Variants in CADM2 observed in about 807,000 individuals in gnomAD.
CADM2 encodes cell adhesion molecule 2.
In CADM2, 12 loss-of-function variants were observed where a neutral mutation model predicts 49.8. The observed-to-expected ratio is 0.24, with a 90% CI of 0.15 to 0.39. The LOEUF (loss-of-function observed/expected upper bound fraction) is 0.39. Ranked by LOEUF, CADM2 falls within the 10% of genes least tolerant of loss-of-function variation. The pLI, the probability that CADM2 is intolerant of heterozygous loss-of-function variation, is 1.00. For synonymous variants in CADM2, 214 were observed against 175.4 expected, an observed-to-expected ratio of 1.22 and a Z score of -1.74; for missense variants, 378 against 492.3, an observed-to-expected ratio of 0.77 and a Z score of 2.20.
chr3:86,012,228 C>G (rs1445734737), intron 8 of CADM2, among the ~76,000 whole-genome samples: 1 of 152,170 alleles, frequency 6.6e-6, no homozygotes, highest in African/African-American at 2.4e-5. Context: ...GAAACATCTT[C>G]TCTTTTAAGC....
intron 1 of CADM2, among the ~76,000 whole-genome samples, chr3:85,637,632 A>AAAATAAAATAAAATT (rs1553753417): frequency 6.9e-6 from 1 of 145,726 alleles, no homozygotes; most frequent in South Asian, 2.1e-4. Context: ...AAAATAAAAT[A>AAAATAAAATAAAATT]AAATAAATAA....
intron 8 of CADM2, among the ~76,000 whole-genome samples, chr3:86,019,043 T>C (rs1318094086): frequency 2.7e-4 from 22 of 80,718 alleles, no homozygotes; most frequent in African/African-American, 1.1e-3. Context: ...CCATCTTGAA[T>C]TGATTTTTGT....
chr3:85,172,758 G>A (rs1214587716), intron 1 of CADM2, among the ~76,000 whole-genome samples: 2 of 151,000 alleles, frequency 1.3e-5, no homozygotes, highest in Non-Finnish European at 2.9e-5. Flanking sequence ...ATGCTGTAAG[G>A]CTGTTGTAAT....
chr3:85,391,461 A>G (rs907954251), intron 1 of CADM2, among the ~76,000 whole-genome samples: 1 of 152,060 alleles, frequency 6.6e-6, no homozygotes, highest in Non-Finnish European at 1.5e-5. Flanking sequence ...ATTTTGTCGG[A>G]ATAGTAAGAC....
chr3:85,883,292 T>C lies in CADM2; in HGVS notation c.240T>C (p.Ala80=), dbSNP rs1480582095. Residue 80 remains alanine, a splice_region_variant and synonymous_variant, in exon 4 of 10, where the codon GCT becomes GCC. Coordinates refer to ENST00000383699, the MANE Select transcript of CADM2 (RefSeq NM_001167675.2). ...QQTLYFDDKK[A]LRDNRIELVR... ...ATTTTCAATATTTTCTCTTTCCAGC[T>C]TTAAGGGACAATAGGATCGAGCTGG... 1 of 1,608,164 alleles carries C rather than the reference T, an allele frequency of 6.2e-7. No homozygotes were observed. Among genetic ancestry groups the C allele is most frequent in the Non-Finnish European group, 8.5e-7 (1 of 1,176,686 alleles).
At chr3:85,142,927 G>A (rs1428680686) in intron 1 of CADM2, among the ~76,000 whole-genome samples, 10 of 152,048 alleles carry the variant, frequency 6.6e-5, no homozygotes, top group African/African-American at 2.2e-4. Context: ...TGTGTGTTTG[G>A]AAAGTAATTA....
At chr3:85,035,432 C>A (rs1227208514) in intron 1 of CADM2, among the ~76,000 whole-genome samples, 1 of 152,072 alleles carries the variant, frequency 6.6e-6, no homozygotes, top group African/African-American at 2.4e-5. Flanking sequence ...TTGATATTTA[C>A]CCATATGTCC....
intron 8 of CADM2, chr3:85,992,913 T>C (rs576394087): frequency 6.6e-6 from 1 of 152,302 alleles, no homozygotes; most frequent in Admixed American, 6.5e-5. Flanking sequence ...AAAATTTCTG[T>C]GCGATTTCTG....
chr3:85,629,653 A>G (rs1405773973), intron 1 of CADM2, among the ~76,000 whole-genome samples: 1 of 152,020 alleles, frequency 6.6e-6, no homozygotes, highest in Non-Finnish European at 1.5e-5. Flanking sequence ...TTGATATTTT[A>G]CAATAAAGTT....
chr3:85,481,188 T>A (rs1188544978), intron 1 of CADM2, among the ~76,000 whole-genome samples: 1 of 148,628 alleles, frequency 6.7e-6, no homozygotes, highest in African/African-American at 2.4e-5. Context: ...ATGACCATTA[T>A]ACACCCACAT....
intron 1 of CADM2, among the ~76,000 whole-genome samples, chr3:85,634,726 CTT>C (rs2064409377): frequency 6.6e-6 from 1 of 151,956 alleles, no homozygotes; most frequent in Admixed American, 6.6e-5. Context: ...GTACTTGACT[CTT>C]TTATGTGATA....
chr3:85,206,738 T>A (rs1325314633), intron 1 of CADM2, among the ~76,000 whole-genome samples: 1 of 152,016 alleles, frequency 6.6e-6, no homozygotes, highest in Non-Finnish European at 1.5e-5. Context: ...TTTTATTTGA[T>A]CTTAATCTAC....
intron 1 of CADM2, among the ~76,000 whole-genome samples, chr3:85,075,778 A>T (rs971824999): frequency 2.6e-5 from 4 of 152,234 alleles, no homozygotes; most frequent in Non-Finnish European, 5.9e-5. Flanking sequence ...ATTAGAGCAT[A>T]ATAAGCGATG....
intron 8 of CADM2, among the ~76,000 whole-genome samples, chr3:86,008,733 G>T (rs1731096979): frequency 6.6e-6 from 1 of 151,914 alleles, no homozygotes; most frequent in Non-Finnish European, 1.5e-5. Context: ...ATTTGGTTAT[G>T]TATTTGACAC....
chr3:85,149,403 A>G (rs2039850814), intron 1 of CADM2, among the ~76,000 whole-genome samples: 1 of 152,136 alleles, frequency 6.6e-6, no homozygotes, highest in Non-Finnish European at 1.5e-5. Context: ...TTATAGCAGC[A>G]AAAATGGACT....
chr3:85,791,077 A>T (rs1427940637), intron 2 of CADM2, among the ~76,000 whole-genome samples: 1 of 152,210 alleles, frequency 6.6e-6, no homozygotes, highest in Non-Finnish European at 1.5e-5. Context: ...CAATAAAATG[A>T]TTTTTAAAAA....
chr3:85,818,173 A>G (rs913611412), intron 3 of CADM2, among the ~76,000 whole-genome samples: 1 of 152,066 alleles, frequency 6.6e-6, no homozygotes, highest in Non-Finnish European at 1.5e-5. Context: ...CGAAACGGAG[A>G]TTTCTAATTT....
intron 1 of CADM2, among the ~76,000 whole-genome samples, chr3:85,455,850 T>A (rs373438789): frequency 6.6e-6 from 1 of 152,230 alleles, no homozygotes; most frequent in African/African-American, 2.4e-5. Context: ...TGTGTTCGTG[T>A]GTGTGTGTAT....
chr3:85,468,424 C>T (rs1363141841), intron 1 of CADM2, among the ~76,000 whole-genome samples: 2 of 152,094 alleles, frequency 1.3e-5, no homozygotes, highest in Admixed American at 6.5e-5. Context: ...GCACTCTGAG[C>T]TGCTAGGAGA....
Sources: allele counts gnomAD v4.1 joint callset (sites outside exome capture counted in the v4.1 genomes callset), GRCh38; gene constraint gnomAD v4.1.1; transcripts MANE v1.5; gene names NCBI Gene and HGNC (gene_info 2026-07-23, HGNC 2026-07-21).